The following SPTBN1 variants were observed in gnomAD, a reference collection of about 807,000 sequenced individuals.
SPTBN1 encodes spectrin beta chain, non-erythrocytic 1.
A neutral mutation model predicts 266.4 loss-of-function variants in SPTBN1; 32 were observed. The observed-to-expected ratio is 0.12, with a 90% CI of 0.09 to 0.16. The LOEUF is 0.16. Among genes scored for constraint, SPTBN1 ranks in the 10% least tolerant of loss-of-function variants. The pLI, the probability that SPTBN1 is intolerant of heterozygous loss-of-function variation, is 1.00. For missense variants in SPTBN1, 2,296 were observed against 3,067.1 expected (o/e 0.75, Z 5.94); for synonymous variants, 1,336 against 1,162.2 (o/e 1.15, Z -3.04).
At chr2:54,658,146 T>C in intron 30 of SPTBN1, 100 bp downstream of exon 30, 1 of 1,426,508 alleles carries the variant, frequency 7.0e-7, no homozygotes, top group Non-Finnish European at 9.5e-7. Context: ...CTTGTTTTTG[T>C]TTTTTGGGTT....
rs550090272 is a variant in SPTBN1, at chr2:54,458,257, T to A, written c.-48+1739T>A. Among the ~76,000 whole-genome samples, 5 of 152,340 alleles carry A rather than the reference T, an allele frequency of 3.3e-5. No homozygotes were observed. The South Asian group carries it at 1.0e-3, about 32-fold the overall frequency. ...GGGTTTTATGTCACTAAGACATTTA[T>A]AAGTATATTAAAATTCAGTAGGTTG... On this transcript the variant is annotated intron_variant, in intron 1 of 35. Transcript: ENST00000356805.
intron 2 of SPTBN1, chr2:54,546,491 GCTA>G (rs1163573674): frequency 1.3e-5 from 2 of 152,162 alleles, no homozygotes; most frequent in Non-Finnish European, 2.9e-5. Flanking sequence ...ATGATGCATT[GCTA>G]CTATTTCTAA....
At chr2:54,469,787 C>G (rs910017507) in intron 1 of SPTBN1, among the ~76,000 whole-genome samples, 1 of 152,202 alleles carries the variant, frequency 6.6e-6, no homozygotes, top group African/African-American at 2.4e-5. Context: ...AGATATCAGT[C>G]AGGTGACTTC....
At chr2:54,594,471 C>G (rs926750844) in intron 2 of SPTBN1, among the ~76,000 whole-genome samples, 1 of 152,096 alleles carries the variant, frequency 6.6e-6, no homozygotes, top group Non-Finnish European at 1.5e-5. Context: ...TAGGCAAATA[C>G]TATATACCAT....
chr2:54,507,082 G>A (rs1669610937), intron 1 of SPTBN1, among the ~76,000 whole-genome samples: 1 of 152,048 alleles, frequency 6.6e-6, no homozygotes, highest in Non-Finnish European at 1.5e-5. Flanking sequence ...TCTCAAGGGT[G>A]GGGAGATTAT....
At chr2:54,464,509 G>A (rs1054717725) in intron 1 of SPTBN1, among the ~76,000 whole-genome samples, 3 of 152,208 alleles carry the variant, frequency 2.0e-5, no homozygotes, top group Non-Finnish European at 4.4e-5. Flanking sequence ...GTTTGCTTTG[G>A]ATGGTAGGTT....
intron 1 of SPTBN1, among the ~76,000 whole-genome samples, chr2:54,512,747 G>A (rs1669923302): frequency 6.6e-6 from 1 of 152,120 alleles, no homozygotes; most frequent in Admixed American, 6.5e-5. Context: ...ATTTTACTGG[G>A]ATCCAAAGTA....
chr2:54,557,098 G>A (rs1314144096), intron 2 of SPTBN1, among the ~76,000 whole-genome samples: 1 of 152,224 alleles, frequency 6.6e-6, no homozygotes, highest in Non-Finnish European at 1.5e-5. Context: ...GCCAAAGGTT[G>A]ACATGTGGAA....
intron 32 of SPTBN1, chr2:54,661,527 A>G: frequency 1.0e-6 from 1 of 985,860 alleles, no homozygotes; most frequent in Non-Finnish European, 1.2e-6. Flanking sequence ...TTCTGACTGT[A>G]GATGGGTATA....
chr2:54,629,606 G>C lies in SPTBN1; in HGVS notation c.2472G>C (p.Leu824=). The C allele has an allele frequency of 6.2e-7, 1 of 1,614,002 alleles. No homozygotes were observed. The highest frequency in any genetic ancestry group is 8.5e-7 in the Non-Finnish European group (1 of 1,180,018). Residue 824 remains leucine (L), a synonymous_variant, in exon 14 of 36, where the codon CTG becomes CTC. Coordinates refer to ENST00000356805, the MANE Select transcript of SPTBN1 (RefSeq NM_003128.3). ...HAESPDVRGR[L]SGIEERYKEV... is the part of the protein sequence containing the mutation. ...AGTCTCCAGACGTGAGGGGCAGGCT[G>C]TCGGGCATCGAGGAGCGGTATAAGG...
intron 10 of SPTBN1, 63 bp from the exon 11 acceptor site, chr2:54,624,741 G>A (rs140260948): frequency 5.0e-6 from 8 of 1,601,128 alleles, no homozygotes; most frequent in African/African-American, 1.3e-5. Flanking sequence ...CTGTAACCAC[G>A]GAAGTTTCCT....
intron 26 of SPTBN1, among the ~76,000 whole-genome samples, chr2:54,651,483 C>T (rs1281960287): frequency 2.0e-5 from 3 of 152,208 alleles, no homozygotes; most frequent in Admixed American, 6.5e-5. Context: ...GGTGCAGGCT[C>T]CCAGGAGTAC....
chr2:54,461,673 C>G (rs1693376609), intron 1 of SPTBN1, among the ~76,000 whole-genome samples: 1 of 152,190 alleles, frequency 6.6e-6, no homozygotes, highest in Non-Finnish European at 1.5e-5. Context: ...TTTACAATTT[C>G]TCTGATTATT....
Position 54,657,912 on chromosome 2 carries a change from G to C in SPTBN1, c.6109G>C (p.Glu2037Gln). Residue 2037 changes from glutamate to glutamine, a missense_variant, in exon 30 of 36, where the codon GAG (glutamate) becomes CAG (glutamine). By Grantham distance (29) the Glu-to-Gln change is conservative. Around this residue, in one of 12 missense-constraint regions of SPTBN1, gnomAD observed 644 missense variants for 745.3 expected, o/e 0.86. Coordinates refer to ENST00000356805, the MANE Select transcript of SPTBN1 (RefSeq NM_003128.3). ...GGCCGAGGCCTGGCTGCTTGGACAG[G>C]AGCCGTACCTATCCAGCCGAGAGAT... ...SVAEAWLLGQ[E>Q]PYLSSREIGQ... 1 of 1,614,238 alleles carries C rather than the reference G, an allele frequency of 6.2e-7. No individual in the cohort carries two copies. The highest frequency in any genetic ancestry group is 8.5e-7 in the Non-Finnish European group (1 of 1,180,046).
Position 54,547,925 on chromosome 2 carries a change from C to T in SPTBN1, c.148+21359C>T, listed in dbSNP as rs182836122. Among the ~76,000 whole-genome samples the T allele has an allele frequency of 6.5e-3, 987 of 151,964 alleles. 9 individuals carry two copies. The highest frequency in any genetic ancestry group is 0.021 in the African/African-American group (869 of 41,456). On this transcript the variant is annotated intron_variant, in intron 2 of 35. Transcript: ENST00000356805. ...TTGGGAGGCCAAGGCGGGCAGATCA[C>T]GAGGTCAGGAGATCGAGACCATCCT...
chr2:54,603,182 G>T (rs1676611204), intron 3 of SPTBN1, among the ~76,000 whole-genome samples: 1 of 152,130 alleles, frequency 6.6e-6, no homozygotes, highest in African/African-American at 2.4e-5. Context: ...GTGTGGGTAG[G>T]GTTCCAGCTG....
chr2:54,623,438 T>A (rs1472207399), intron 9 of SPTBN1, 41 bp from the exon 10 acceptor site: 2 of 1,584,432 alleles, frequency 1.3e-6, no homozygotes, highest in East Asian at 4.5e-5. Context: ...GTGAAATTTT[T>A]TTTTCTCCAG....
chr2:54,654,467 T>G (rs982936669), intron 27 of SPTBN1, among the ~76,000 whole-genome samples: 1 of 152,198 alleles, frequency 6.6e-6, no homozygotes, highest in African/African-American at 2.4e-5. Context: ...GCCCCCACTG[T>G]AATTGAGAAA....
intron 1 of SPTBN1, among the ~76,000 whole-genome samples, chr2:54,510,896 T>C (rs1001724168): frequency 2.6e-5 from 4 of 152,256 alleles, no homozygotes; most frequent in Non-Finnish European, 5.9e-5. Flanking sequence ...AGCTAAGATC[T>C]TATTTTCATT....
Sources: gnomAD v4.1 joint callset for allele counts (sites outside exome capture counted in the v4.1 genomes callset) on GRCh38, gnomAD v4.1.1 for gene constraint, gnomAD v4.1.1 regional missense constraint, MANE v1.5 for transcripts, NCBI Gene and HGNC (gene_info 2026-07-23, HGNC 2026-07-21) for gene names.